PEBP4: variants seen among roughly 807,000 people sequenced by gnomAD.
PEBP4 encodes phosphatidylethanolamine-binding protein 4.
PEBP4 carries 22 observed loss-of-function variants against 23.9 expected under a neutral mutation model. The observed-to-expected ratio is 0.92, with a 90% CI of 0.66 to 1.31. The LOEUF is 1.31. PEBP4 is among the 40% of genes most tolerant of loss of function. The pLI is 0.00. For missense variants in PEBP4, 324 were observed against 281.7 expected (o/e 1.15, Z -1.07); for synonymous variants, 112 against 99.3 (o/e 1.13, Z -0.76).
At chr8:22,866,721 AAT>A (rs1348396618) in intron 3 of PEBP4, among the ~76,000 whole-genome samples, 1 of 148,938 alleles carries the variant, frequency 6.7e-6, no homozygotes, top group African/African-American at 2.4e-5. Context: ...AAAAAAACAG[AAT>A]ATATGTCAAA....
intron 4 of PEBP4, among the ~76,000 whole-genome samples, chr8:22,758,707 C>T (rs544016402): frequency 3.9e-5 from 6 of 152,326 alleles, no homozygotes; most frequent in Admixed American, 1.3e-4. Context: ...TACCCCATAG[C>T]AGGCTCTCAG....
intron 6 of PEBP4, among the ~76,000 whole-genome samples, chr8:22,717,726 C>G (rs545537092): frequency 6.6e-6 from 1 of 152,288 alleles, no homozygotes; most frequent in South Asian, 2.1e-4. Context: ...CCAAGGTGAT[C>G]ACCCTCTTCC....
intron 4 of PEBP4, among the ~76,000 whole-genome samples, chr8:22,727,587 G>A (rs1448847871): frequency 6.6e-6 from 1 of 152,154 alleles, no homozygotes; most frequent in African/African-American, 2.4e-5. Flanking sequence ...CACATCACCT[G>A]CAGGGTCTGG....
At chr8:22,827,551 A>G (rs975061774) in intron 3 of PEBP4, among the ~76,000 whole-genome samples, 1 of 152,106 alleles carries the variant, frequency 6.6e-6, no homozygotes, top group Non-Finnish European at 1.5e-5. Flanking sequence ...AGGTTCATCC[A>G]TGCTGTACAT....
At chr8:22,937,895 A>G (rs1229828271) in intron 1 of PEBP4, among the ~76,000 whole-genome samples, 1 of 152,164 alleles carries the variant, frequency 6.6e-6, no homozygotes, top group Non-Finnish European at 1.5e-5. Flanking sequence ...CAAAAGAATG[A>G]AGGTGGATCC....
intron 3 of PEBP4, among the ~76,000 whole-genome samples, chr8:22,870,472 G>C (rs1238842526): frequency 6.6e-6 from 1 of 152,204 alleles, no homozygotes; most frequent in Non-Finnish European, 1.5e-5. Flanking sequence ...AGGATTTTTA[G>C]ACAGTGAAAT....
intron 4 of PEBP4, among the ~76,000 whole-genome samples, chr8:22,740,531 A>G (rs1804967057): frequency 2.0e-5 from 3 of 152,316 alleles, no homozygotes; most frequent in South Asian, 2.1e-4. Context: ...GCACCACCAC[A>G]GCAGCTTCCT....
At chr8:22,727,751 G>A (rs145177437) in intron 4 of PEBP4, among the ~76,000 whole-genome samples, 1 of 152,246 alleles carries the variant, frequency 6.6e-6, no homozygotes, top group Admixed American at 6.5e-5. Context: ...GCAGGAGGAG[G>A]CTACACTGCC....
At chr8:22,753,915 C>T (rs745316301) in intron 4 of PEBP4, among the ~76,000 whole-genome samples, 5 of 152,112 alleles carry the variant, frequency 3.3e-5, no homozygotes, top group African/African-American at 4.8e-5. Context: ...GGGGCCCCTC[C>T]CCACAACCTC....
upstream of PEBP4, among the ~76,000 whole-genome samples, chr8:22,930,845 C>T (rs377543098): frequency 7.9e-5 from 12 of 152,156 alleles, no homozygotes; most frequent in African/African-American, 2.7e-4. Context: ...CCCATCACCA[C>T]CCCGGCTCCT....
chr8:22,877,601 G>T (rs745315745), intron 3 of PEBP4, among the ~76,000 whole-genome samples: 2 of 152,134 alleles, frequency 1.3e-5, no homozygotes, highest in Admixed American at 1.3e-4. Context: ...TTGGCAGCGG[G>T]GAGGAGGCTC....
At chr8:22,821,802 G>A (rs941747904) in intron 3 of PEBP4, among the ~76,000 whole-genome samples, 7 of 151,988 alleles carry the variant, frequency 4.6e-5, no homozygotes, top group Non-Finnish European at 7.4e-5. Flanking sequence ...TGGCTAACAC[G>A]GTGAAACCCC....
chr8:22,917,366 T>G (rs1053570166), intron 3 of PEBP4, among the ~76,000 whole-genome samples: 27 of 152,132 alleles, frequency 1.8e-4, no homozygotes, highest in African/African-American at 6.0e-4. Flanking sequence ...TCATGCCCTC[T>G]CCCTTAAGGG....
intron 3 of PEBP4, among the ~76,000 whole-genome samples, chr8:22,852,565 G>A (rs567900037): frequency 6.6e-6 from 1 of 152,082 alleles, no homozygotes; most frequent in East Asian, 1.9e-4. Context: ...CAACCAGAAA[G>A]AGCCTAGAAA....
intron 4 of PEBP4, among the ~76,000 whole-genome samples, chr8:22,813,019 G>T (rs1003445293): frequency 5.3e-5 from 8 of 152,138 alleles, no homozygotes; most frequent in African/African-American, 1.9e-4. Flanking sequence ...CAAGTGTCCT[G>T]GCATGTGCTA....
intron 3 of PEBP4, among the ~76,000 whole-genome samples, chr8:22,897,326 A>G (rs1808607727): frequency 6.6e-6 from 1 of 152,168 alleles, no homozygotes; most frequent in African/African-American, 2.4e-5. Context: ...AGAAGCACAG[A>G]TATGGATGGA....
chr8:22,916,537 G>A (rs1245276048), intron 3 of PEBP4, among the ~76,000 whole-genome samples: 1 of 152,074 alleles, frequency 6.6e-6, no homozygotes, highest in African/African-American at 2.4e-5. Flanking sequence ...GAGTCCTGCT[G>A]CCCTGGGTTC....
rs114256634 is a variant in PEBP4 at position 22,753,609 on chromosome 8, C to T, written c.358-26389G>A. ...TCCCACAACTGCCAAGAGACTGAAG[C>T]TGAACTTCAAGGCAGAGTCCTCCAG... On this transcript the variant is annotated intron_variant, in intron 4 of 6. Coordinates refer to ENST00000256404, the MANE Select transcript of PEBP4 (RefSeq NM_144962.3). 6.3e-3 allele frequency among the ~76,000 whole-genome samples: 964 copies of T among 152,352 alleles called. 14 individuals carry two copies. Among genetic ancestry groups the T allele is most frequent in the African/African-American group, 0.022 (933 of 41,584 alleles).
At chr8:22,834,147 C>T (rs965375169) in intron 3 of PEBP4, among the ~76,000 whole-genome samples, 1 of 152,208 alleles carries the variant, frequency 6.6e-6, no homozygotes, top group Non-Finnish European at 1.5e-5. Flanking sequence ...CACAAGTCGC[C>T]CTGCGCTCCC....
Sources: gnomAD v4.1 joint callset for allele counts (sites outside exome capture counted in the v4.1 genomes callset) on GRCh38, gnomAD v4.1.1 for gene constraint, MANE v1.5 for transcripts, NCBI Gene and HGNC (gene_info 2026-07-23, HGNC 2026-07-21) for gene names.